The following SLC37A3 variants were observed in gnomAD, a reference collection of about 807,000 sequenced individuals.
SLC37A3 encodes the protein solute carrier family 37 member 3.
In SLC37A3, 51 loss-of-function variants were observed where a neutral mutation model predicts 67.1. The observed-to-expected ratio is 0.76, with a 90% CI of 0.61 to 0.96. SLC37A3 has a LOEUF of 0.96. Among genes scored for constraint, SLC37A3 ranks in the 40% least tolerant of loss-of-function variants. The pLI is 0.00. For missense variants in SLC37A3, 508 were observed against 603.0 expected, an observed-to-expected ratio of 0.84 and a Z score of 1.65; for synonymous variants, 214 against 231.4, an observed-to-expected ratio of 0.92 and a Z score of 0.68.
At chr7:140,356,049 T>C (rs1171269376) in intron 6 of SLC37A3, among the ~76,000 whole-genome samples, 3 of 150,908 alleles carry the variant, frequency 2.0e-5, no homozygotes, top group Admixed American at 6.6e-5. Flanking sequence ...ACAAAATCAG[T>C]TGGGCGTGGT....
At chr7:140,336,071 G>A (rs1217588074) in intron 14 of SLC37A3, among the ~76,000 whole-genome samples, 1 of 152,240 alleles carries the variant, frequency 6.6e-6, no homozygotes, top group African/African-American at 2.4e-5. Context: ...TTGGGGACAG[G>A]ATACTGAATG....
rs369757620 is a variant in SLC37A3, at chr7:140,343,195, TA to T, written c.1326+216del. 9.7e-4 allele frequency among the ~76,000 whole-genome samples: 147 copies of T among 152,242 alleles called. 2 individuals are homozygous for T. In the South Asian group the frequency reaches 0.014, roughly 14 times the overall value. On this transcript the variant is annotated intron_variant, in intron 13 of 14. Transcript: ENST00000326232. Reference sequence around the variant, plus strand: ...AGCTTATTTGCAGACAGGAAGAATCTAGAAGTATAAGTAGAAAAAAGGAACT... The same window carrying T: ...AGCTTATTTGCAGACAGGAAGAATCTGAAGTATAAGTAGAAAAAAGGAACT...
chr7:140,354,931 T>C (rs1192916062), intron 7 of SLC37A3, among the ~76,000 whole-genome samples: 2 of 151,970 alleles, frequency 1.3e-5, no homozygotes, highest in Admixed American at 1.3e-4. Flanking sequence ...TTTTTGTAGG[T>C]ACAAGGTCTC....
intron 1 of SLC37A3, among the ~76,000 whole-genome samples, chr7:140,393,283 C>T (rs975694881): frequency 1.3e-5 from 2 of 152,206 alleles, no homozygotes; most frequent in Non-Finnish European, 2.9e-5. Flanking sequence ...ATTTTCTTCA[C>T]TTGCCAGAGG....
chr7:140,393,960 C>T (rs10251641), intron 1 of SLC37A3, among the ~76,000 whole-genome samples: 4,896 of 152,126 alleles, frequency 0.032, 219 homozygotes, highest in African/African-American at 0.11. Flanking sequence ...GGCTTGAGCC[C>T]ACGAGTTCGG....
Position 140,348,729 on chromosome 7 carries a change from G to A in SLC37A3, c.921C>T (p.Tyr307=), listed in dbSNP as rs1585267731. 3 of 1,614,178 alleles carry A rather than the reference G, an allele frequency of 1.9e-6. No homozygotes were observed. In the South Asian group the frequency reaches 3.3e-5, roughly 18 times the overall value. Residue 307 remains tyrosine (Y), a synonymous_variant, in exon 10 of 15, where the codon TAC becomes TAT. Transcript: ENST00000326232. The stretch of plus-strand genomic sequence containing the variant: ...AAAAGGGGAGCCAGAAGAAGAAGGA[G>A]TAATTCACTAACTTCAAGCAGGCGT... ...LAYACLKLVN[Y]SFFFWLPFYL... is the part of the protein sequence containing the mutation.
chr7:140,388,965 C>T lies in SLC37A3; in HGVS notation c.-70-6369G>A, dbSNP rs540649971. On this transcript the variant is annotated intron_variant, in intron 1 of 14. Coordinates refer to ENST00000326232, the MANE Select transcript of SLC37A3 (RefSeq NM_207113.3). ...CCAGAATGGAACACAATAGTGAAACCGCCTTTGCAAAACTATAACTGAGGA... is the reference window on the plus strand; with the variant it reads ...CCAGAATGGAACACAATAGTGAAACTGCCTTTGCAAAACTATAACTGAGGA... Among the ~76,000 whole-genome samples, 98 of 152,208 alleles carry T rather than the reference C, an allele frequency of 6.4e-4. 1 individual carries two copies. Among genetic ancestry groups the T allele is most frequent in the African/African-American group, 2.2e-3 (91 of 41,552 alleles).
intron 14 of SLC37A3, among the ~76,000 whole-genome samples, chr7:140,335,980 T>C (rs778475577): frequency 2.3e-4 from 35 of 152,322 alleles, no homozygotes; most frequent in Admixed American, 5.9e-4. Context: ...TGGACTATCC[T>C]GGGGCTCCTT....
intron 3 of SLC37A3, among the ~76,000 whole-genome samples, chr7:140,376,336 A>C (rs1047723125): frequency 1.3e-5 from 2 of 152,252 alleles, no homozygotes; most frequent in Non-Finnish European, 2.9e-5. Context: ...CTACTCGGTT[A>C]GAAATGTTCC....
At chr7:140,391,172 A>G (rs1798713064) in intron 1 of SLC37A3, among the ~76,000 whole-genome samples, 1 of 112,414 alleles carries the variant, frequency 8.9e-6, no homozygotes, top group Non-Finnish European at 1.8e-5. Flanking sequence ...CTGGTATCAT[A>G]CCTTTATGTC....
At chr7:140,337,065 C>T (rs766215674) in intron 14 of SLC37A3, among the ~76,000 whole-genome samples, 1 of 133,618 alleles carries the variant, frequency 7.5e-6, no homozygotes, top group African/African-American at 2.9e-5. Context: ...CGCCACCACA[C>T]TTCAGCCTGG....
rs1242814516 is a variant in SLC37A3, at chr7:140,355,704, CG to C, written c.581del (p.Ala194GlyfsTer3). The stretch of plus-strand genomic sequence containing the variant: ...ACTGAAGAACAGAAGAAGCTAGGCA[CG>C]CTCCCAAAATGTTGCCCACCGAAGC... ...ACASVGNILG[A>X]CLASSVLQYG... On this transcript the variant is annotated frameshift_variant, in exon 7 of 15. Transcript: ENST00000326232. LOFTEE classifies it high-confidence loss of function. 1.5e-5 allele frequency: 25 copies of C among 1,613,740 alleles called. No homozygotes were observed. The highest frequency in any genetic ancestry group is 1.9e-5 in the Non-Finnish European group (23 of 1,179,934).
At chr7:140,359,278 G>A (rs887048426) in intron 5 of SLC37A3, among the ~76,000 whole-genome samples, 47 of 151,434 alleles carry the variant, frequency 3.1e-4, no homozygotes, top group Non-Finnish European at 6.8e-4. Context: ...GGGAGGTGGA[G>A]CTTGCAGTGA....
intron 1 of SLC37A3, among the ~76,000 whole-genome samples, chr7:140,384,693 T>C (rs1014002963): frequency 3.9e-5 from 6 of 152,158 alleles, no homozygotes; most frequent in African/African-American, 1.4e-4. Context: ...CACTCCAGCC[T>C]GTACCACAGG....
chr7:140,362,014 G>A (rs1175117530), intron 5 of SLC37A3, among the ~76,000 whole-genome samples: 3 of 121,632 alleles, frequency 2.5e-5, no homozygotes, highest in East Asian at 2.6e-4. Context: ...GCCCCCCATC[G>A]TCTGGGATAT....
chr7:140,387,846 T>TATTATATATATTATATATAATATAA (rs1798561618), intron 1 of SLC37A3, among the ~76,000 whole-genome samples: 1 of 17,096 alleles, frequency 5.8e-5, no homozygotes, highest in African/African-American at 2.2e-4. Context: ...TATAAACATA[T>TATTATATATATTATATATAATATAA]ATATATTAGT....
chr7:140,366,326 C>T (rs1430138950), intron 4 of SLC37A3, among the ~76,000 whole-genome samples: 2 of 152,122 alleles, frequency 1.3e-5, no homozygotes, highest in Non-Finnish European at 2.9e-5. Context: ...CCAGGCTGGT[C>T]TCAAACTCCT....
At chr7:140,364,333 TACAGAGA>T in intron 5 of SLC37A3, 68 bp downstream of exon 5, 1 of 1,340,132 alleles carries the variant, frequency 7.5e-7, no homozygotes, top group Non-Finnish European at 1.0e-6. Context: ...TATTCTATTC[TACAGAGA>T]AGTAGGGAGA....
At chr7:140,378,392 A>G (rs769488245) in intron 3 of SLC37A3, among the ~76,000 whole-genome samples, 1 of 152,194 alleles carries the variant, frequency 6.6e-6, no homozygotes, top group Non-Finnish European at 1.5e-5. Context: ...AAAGATTCCA[A>G]TCTGGGAGGT....
Sources: allele counts gnomAD v4.1 joint callset (sites outside exome capture counted in the v4.1 genomes callset), GRCh38; gene constraint gnomAD v4.1.1; transcripts MANE v1.5; gene names NCBI Gene and HGNC (gene_info 2026-07-23, HGNC 2026-07-21).